YME1L1: variants seen among roughly 807,000 people sequenced by gnomAD.
The protein encoded by YME1L1 is ATP-dependent zinc metalloprotease YME1L1.
In YME1L1, 39 loss-of-function variants were observed where a neutral mutation model predicts 90.4. The observed-to-expected ratio is 0.43, with a 90% CI of 0.33 to 0.56. The LOEUF is 0.56. Ranked by LOEUF, YME1L1 falls within the 20% of genes least tolerant of loss-of-function variation. The probability of loss-of-function intolerance (pLI) is 0.03; values close to 1 mark genes in which losing one functional copy is unlikely to be tolerated. For missense variants in YME1L1, 617 were observed against 868.4 expected (o/e 0.71, Z 3.64); for synonymous variants, 284 against 287.3 (o/e 0.99, Z 0.12).
intron 15 of YME1L1, among the ~76,000 whole-genome samples, chr10:27,117,202 C>T (rs1015140672): frequency 6.6e-5 from 10 of 152,162 alleles, no homozygotes; most frequent in Non-Finnish European, 1.3e-4. Flanking sequence ...TGATAAAAAT[C>T]TTAGAGAAAC....
chr10:27,135,773 A>G (rs1400412662), intron 5 of YME1L1, among the ~76,000 whole-genome samples: 1 of 151,606 alleles, frequency 6.6e-6, no homozygotes, highest in Admixed American at 6.6e-5. Flanking sequence ...TAACTAGATC[A>G]TTATTTTAGA....
intron 4 of YME1L1, 39 bp downstream of exon 4, chr10:27,142,348 A>G (rs1401041479): frequency 1.7e-6 from 2 of 1,183,114 alleles, no homozygotes; most frequent in African/African-American, 1.6e-5. Flanking sequence ...TAGTAAATAA[A>G]TATTTTTTTT....
chr10:27,151,218 G>A (rs934299122), intron 1 of YME1L1, among the ~76,000 whole-genome samples: 1 of 152,050 alleles, frequency 6.6e-6, no homozygotes, highest in East Asian at 1.9e-4. Flanking sequence ...CCCCGCGCCT[G>A]GCGACTCTCT....
intron 8 of YME1L1, chr10:27,129,111 A>ACC (rs2056951603): frequency 6.7e-6 from 1 of 149,750 alleles, no homozygotes; most frequent in Admixed American, 6.8e-5. Flanking sequence ...AAAAAAAAAA[A>ACC]AACTCTCATT....
At chr10:27,117,798 C>G (rs2056828831) in intron 14 of YME1L1, 71 bp from the exon 15 acceptor site, 1 of 1,512,972 alleles carries the variant, frequency 6.6e-7, no homozygotes, top group Non-Finnish European at 9.1e-7. Context: ...ACATTCTTGT[C>G]TGCAAATCAA....
intron 1 of YME1L1, among the ~76,000 whole-genome samples, chr10:27,153,568 C>T (rs1404725814): frequency 2.6e-5 from 4 of 152,188 alleles, no homozygotes; most frequent in Non-Finnish European, 4.4e-5. Context: ...TCATTTTTCT[C>T]TTCACTACCT....
At chr10:27,149,767 AT>A (rs58845712) in intron 1 of YME1L1, among the ~76,000 whole-genome samples, 18,866 of 123,068 alleles carry the variant, frequency 0.15, 1,909 homozygotes, top group African/African-American at 0.28. Flanking sequence ...TACATCCAAC[AT>A]TTAAAAAAAA....
At position 27,111,997 on chromosome 10, in the gene YME1L1, T is replaced by G; in HGVS notation, c.2131A>C (p.Lys711Gln). The G allele has an allele frequency of 6.2e-7, 1 of 1,614,044 alleles. No homozygotes were observed. The highest frequency in any genetic ancestry group is 8.5e-7 in the Non-Finnish European group (1 of 1,180,000). ...AKEIQIVLEG[K>Q]KLEVR is the part of the protein sequence containing the mutation. ...AGTTATCATCTCACTTCCAACTTTT[T>G]CCCCTCAAGAACAATTTGAATCTCT... is the stretch of plus-strand genomic sequence containing the variant. The change falls in exon 19 of 19, where the codon AAA (lysine) becomes CAA (glutamine). Residue 711 changes from lysine (K) to glutamine (Q), a missense_variant. By Grantham distance (53) the Lys-to-Gln change is moderately conservative (BLOSUM62 1). Coordinates refer to ENST00000376016, the MANE Select transcript of YME1L1 (RefSeq NM_014263.4).
chr10:27,132,164 G>A (rs1168135952), intron 7 of YME1L1, among the ~76,000 whole-genome samples: 21 of 152,102 alleles, frequency 1.4e-4, no homozygotes, highest in Admixed American at 9.2e-4. Flanking sequence ...GCAGCGGCAC[G>A]ATCTTGGCTC....
At chr10:27,133,776 T>C (rs2056999165) in intron 7 of YME1L1, among the ~76,000 whole-genome samples, 1 of 152,184 alleles carries the variant, frequency 6.6e-6, no homozygotes, top group South Asian at 2.1e-4. Flanking sequence ...TGTATTGCCA[T>C]TATAAAATTC....
In YME1L1 at chr10:27,119,288, A is replaced by G. The variant is rs1441423153; in HGVS notation, c.1567+6T>C. On this transcript the variant is annotated splice_donor_region_variant and intron_variant, in intron 14 of 18. Transcript: ENST00000376016. ...AAAAGACAGAAAAAAAAGAAAGGAA[A>G]CCTACCCATTAGAATTTTGTCTTTG... is the stretch of plus-strand genomic sequence containing the variant. 6.3e-7 allele frequency: 1 copy of G among 1,589,768 alleles called. No homozygotes were observed. The highest frequency in any genetic ancestry group is 1.9e-5 in the Admixed American group (1 of 52,330).
intron 4 of YME1L1, among the ~76,000 whole-genome samples, chr10:27,141,610 AC>A (rs1290057133): frequency 1.0e-5 from 1 of 99,922 alleles, no homozygotes; most frequent in East Asian, 2.8e-4. Context: ...CGACACACAC[AC>A]ACACACACAC....
chr10:27,113,219 CAAAAAAAAAAAAAAAAAAAAAAAA>C (rs869122796), intron 18 of YME1L1, among the ~76,000 whole-genome samples: 61 of 43,106 alleles, frequency 1.4e-3, no homozygotes, highest in Non-Finnish European at 2.3e-3. Context: ...GATGCTGTCT[CAAAAAAAAAAAAAAAAAAAAAAAA>C]AAAAAAAAAA....
At chr10:27,127,449 A>T (rs2056932263) in intron 8 of YME1L1, among the ~76,000 whole-genome samples, 1 of 152,208 alleles carries the variant, frequency 6.6e-6, no homozygotes. Flanking sequence ...TAGTCACACC[A>T]GCTGTATTTG....
intron 1 of YME1L1, among the ~76,000 whole-genome samples, chr10:27,152,909 T>C (rs2057240402): frequency 6.6e-6 from 1 of 152,222 alleles, no homozygotes; most frequent in South Asian, 2.1e-4. Context: ...AAAATGAAAA[T>C]CTAATCATGT....
At chr10:27,153,162 C>T in intron 1 of YME1L1, 1 of 469,976 alleles carries the variant, frequency 2.1e-6, no homozygotes, top group Non-Finnish European at 4.4e-6. Context: ...CTTCACCTTG[C>T]TAAGTCCTAC....
In YME1L1 at chr10:27,154,279, G is replaced by C. The variant is rs538239037; in HGVS notation, c.-69C>G. The C allele has an allele frequency of 3.9e-6, 6 of 1,541,894 alleles. No individual in the cohort carries two copies. The highest frequency in any genetic ancestry group is 3.6e-5 in the South Asian group (3 of 84,058). On this transcript the variant is annotated 5_prime_UTR_variant, in exon 1 of 19. Transcript: ENST00000376016. ...GCCCCTCTGTCCACGGCCCGGCGGG[G>C]AGGCGCTGAGCCCTTCTTTTTTCCT...
chr10:27,140,171 G>C (rs2057072449), intron 4 of YME1L1, among the ~76,000 whole-genome samples: 1 of 151,564 alleles, frequency 6.6e-6, no homozygotes, highest in African/African-American at 2.4e-5. Flanking sequence ...GGCTAATTTT[G>C]TATTTCTTTT....
In YME1L1 at chr10:27,128,754, C is replaced by G. The variant is rs538876101; in HGVS notation, c.859-1968G>C. Among the ~76,000 whole-genome samples, 21 of 151,410 alleles carry G rather than the reference C, an allele frequency of 1.4e-4. No individual in the cohort carries two copies. The South Asian group carries it at 4.4e-3, about 32-fold the overall frequency. ...ATCCCGACTCTACAAAAAAAAACTA[C>G]AAAAATTAGCCAGGCATAGGGGCAC... is the stretch of plus-strand genomic sequence containing the variant. On this transcript the variant is annotated intron_variant, in intron 8 of 18. Coordinates refer to ENST00000376016, the MANE Select transcript of YME1L1 (RefSeq NM_014263.4).
Sources: allele counts gnomAD v4.1 joint callset (sites outside exome capture counted in the v4.1 genomes callset), GRCh38; gene constraint gnomAD v4.1.1; transcripts MANE v1.5; gene names NCBI Gene and HGNC (gene_info 2026-07-23, HGNC 2026-07-21).